Variants in GTF2F2 observed in about 807,000 individuals in gnomAD.
GTF2F2 encodes the protein ATP-dependent helicase GTF2F2.
In GTF2F2, 23 loss-of-function variants were observed where a neutral mutation model predicts 42.2. That is an observed-to-expected ratio of 0.55 (90% confidence interval 0.39 to 0.77). The LOEUF (loss-of-function observed/expected upper bound fraction) is 0.77. Among genes scored for constraint, GTF2F2 ranks in the 30% least tolerant of loss-of-function variants. GTF2F2 has a pLI of 0.00. For missense variants in GTF2F2, 261 were observed against 287.2 expected (o/e 0.91, Z 0.66); for synonymous variants, 105 against 100.8 (o/e 1.04, Z -0.25).
intron 5 of GTF2F2, among the ~76,000 whole-genome samples, chr13:45,218,255 T>G (rs1873969785): frequency 1.3e-5 from 2 of 152,192 alleles, no homozygotes; most frequent in African/African-American, 4.8e-5. Flanking sequence ...GTGCTGAAGG[T>G]GACCCACAGA....
chr13:45,165,180 G>GA (rs1293404929), intron 4 of GTF2F2, among the ~76,000 whole-genome samples: 1 of 149,970 alleles, frequency 6.7e-6, no homozygotes, highest in African/African-American at 2.4e-5. Context: ...AAATAGAATG[G>GA]AAAAAATATA....
chr13:45,248,096 G>C (rs1172001333), intron 5 of GTF2F2, among the ~76,000 whole-genome samples: 5 of 152,126 alleles, frequency 3.3e-5, no homozygotes, highest in African/African-American at 4.8e-5. Flanking sequence ...GCCCACCTCA[G>C]CCTCCCAAAG....
intron 5 of GTF2F2, among the ~76,000 whole-genome samples, chr13:45,231,102 A>T (rs1874655858): frequency 1.3e-5 from 2 of 150,358 alleles, no homozygotes; most frequent in Admixed American, 6.6e-5. Context: ...TTATTTTTTT[A>T]TTTATTATTT....
intron 7 of GTF2F2, among the ~76,000 whole-genome samples, chr13:45,270,780 G>A (rs1017842817): frequency 6.6e-6 from 1 of 152,136 alleles, no homozygotes; most frequent in Non-Finnish European, 1.5e-5. Context: ...CCTTGAATGA[G>A]TTATTTCTAG....
At chr13:45,184,393 C>A in intron 4 of GTF2F2, among the ~76,000 whole-genome samples, 1 of 148,986 alleles carries the variant, frequency 6.7e-6, no homozygotes, top group South Asian at 2.1e-4. Context: ...TATTCCCCCC[C>A]GCCCTTTTTT....
At chr13:45,174,520 CT>C (rs1194547097) in intron 4 of GTF2F2, among the ~76,000 whole-genome samples, 1 of 151,316 alleles carries the variant, frequency 6.6e-6, no homozygotes, top group Non-Finnish European at 1.5e-5. Context: ...GCATTTAAGC[CT>C]TTATTCCTCA....
chr13:45,150,334 A>G lies in GTF2F2; in HGVS notation c.159+546A>G, dbSNP rs148125297. On this transcript the variant is annotated intron_variant, in intron 3 of 7. Coordinates refer to ENST00000340473, the MANE Select transcript of GTF2F2 (RefSeq NM_004128.3). ...ATGTATTTTTATTCTAAACCTTATT[A>G]TTGAGCTATCCTTTTAACTGTTGAG... Among the ~76,000 whole-genome samples, 646 of 152,296 alleles carry G rather than the reference A, an allele frequency of 4.2e-3. 6 individuals are homozygous for G. The highest frequency in any genetic ancestry group is 0.017 in the Middle Eastern group (5 of 294).
chr13:45,280,932 T>G (rs1032022122), intron 7 of GTF2F2, among the ~76,000 whole-genome samples: 21 of 152,226 alleles, frequency 1.4e-4, no homozygotes. Flanking sequence ...TTAGCCAGTC[T>G]CATAATAAAC....
intron 5 of GTF2F2, among the ~76,000 whole-genome samples, chr13:45,230,352 A>G (rs1351368817): frequency 1.3e-5 from 2 of 152,230 alleles, no homozygotes; most frequent in African/African-American, 2.4e-5. Flanking sequence ...ACTGGAAAGT[A>G]CTGGAAAGGG....
At chr13:45,136,207 A>G (rs1005083025) in intron 1 of GTF2F2, among the ~76,000 whole-genome samples, 1 of 152,256 alleles carries the variant, frequency 6.6e-6, no homozygotes, top group Non-Finnish European at 1.5e-5. Flanking sequence ...TAAATGTGTC[A>G]ATCTATATAA....
At chr13:45,191,048 T>G (rs1872596394) in intron 4 of GTF2F2, among the ~76,000 whole-genome samples, 1 of 151,334 alleles carries the variant, frequency 6.6e-6, no homozygotes, top group African/African-American at 2.4e-5. Context: ...TCATTTGTTC[T>G]GTATACCACC....
At chr13:45,162,113 T>A (rs1461015405) in intron 4 of GTF2F2, among the ~76,000 whole-genome samples, 1 of 152,216 alleles carries the variant, frequency 6.6e-6, no homozygotes, top group Admixed American at 6.5e-5. Context: ...TCTAAGAGAT[T>A]GTGTGACTAG....
intron 5 of GTF2F2, among the ~76,000 whole-genome samples, chr13:45,217,990 C>T (rs1392016848): frequency 6.6e-6 from 1 of 152,174 alleles, no homozygotes; most frequent in Admixed American, 6.5e-5. Flanking sequence ...CCTTTTATTA[C>T]TAAGTGTGAA....
chr13:45,185,667 T>C (rs922059959), intron 4 of GTF2F2, among the ~76,000 whole-genome samples: 2 of 152,216 alleles, frequency 1.3e-5, no homozygotes, highest in Non-Finnish European at 2.9e-5. Flanking sequence ...CACTCCATAA[T>C]ATATGCATAT....
intron 7 of GTF2F2, among the ~76,000 whole-genome samples, chr13:45,271,281 G>GA (rs111649360): frequency 1.0e-3 from 139 of 135,158 alleles, no homozygotes; most frequent in Middle Eastern, 3.7e-3. Context: ...ACAGAAAAAA[G>GA]AAAAAAAAAA....
chr13:45,124,474 A>C (rs1414512682), intron 1 of GTF2F2, among the ~76,000 whole-genome samples: 1 of 151,178 alleles, frequency 6.6e-6, no homozygotes, highest in Admixed American at 6.6e-5. Context: ...AGGCGGGTGG[A>C]TCACCTGAGG....
At chr13:45,199,152 G>A (rs1018915577) in intron 4 of GTF2F2, among the ~76,000 whole-genome samples, 4 of 152,186 alleles carry the variant, frequency 2.6e-5, no homozygotes, top group East Asian at 1.9e-4. Flanking sequence ...CCACAAGGTC[G>A]TGTGAACATG....
At position 45,241,184 on chromosome 13, in the gene GTF2F2, A is replaced by AATATATATATATAT. The variant is rs71697631; in HGVS notation, c.387-11678_387-11665dup. 3.2e-3 allele frequency among the ~76,000 whole-genome samples: 466 copies of AATATATATATATAT among 143,830 alleles called. 2 individuals carry two copies. The highest frequency in any genetic ancestry group is 0.011 in the African/African-American group (437 of 39,278). The allele number at this position is 143,830 out of a possible 152,430, so 94.4% of individuals were successfully genotyped here. ...CTTAAAAAAAAGTAAATAAATATAAAATATATATATATATATATATATCTG... is the reference window on the plus strand; with the variant it reads ...CTTAAAAAAAAGTAAATAAATATAAAATATATATATATATATATATATATATATATATATATCTG... On this transcript the variant is annotated intron_variant, in intron 5 of 7. Transcript: ENST00000340473.
At chr13:45,198,375 C>G (rs1217817609) in intron 4 of GTF2F2, among the ~76,000 whole-genome samples, 2 of 152,198 alleles carry the variant, frequency 1.3e-5, no homozygotes, top group Non-Finnish European at 2.9e-5. Context: ...TGAAACCTTA[C>G]CAGGAGGTTA....
Sources: gnomAD v4.1 joint callset for allele counts (sites outside exome capture counted in the v4.1 genomes callset) on GRCh38, gnomAD v4.1.1 for gene constraint, MANE v1.5 for transcripts, NCBI Gene and HGNC (gene_info 2026-07-23, HGNC 2026-07-21) for gene names.